CLNK: variants seen among roughly 807,000 people sequenced by gnomAD.
The protein encoded by CLNK is cytokine dependent hematopoietic cell linker, also known as cytokine-dependent hematopoietic cell linker.
CLNK carries 74 observed loss-of-function variants against 68.6 expected under a neutral mutation model. The ratio of observed to expected loss-of-function variants is 1.08; its 90% confidence interval spans 0.89 to 1.31. The LOEUF is 1.31. CLNK is among the 50% of genes most tolerant of loss of function. The pLI is 0.00. For synonymous variants in CLNK, 198 were observed against 172.2 expected (o/e 1.15, Z -1.17); for missense variants, 553 against 515.3 (o/e 1.07, Z -0.71).
chr4:10,536,448 T>G (rs1217152785), intron 11 of CLNK, among the ~76,000 whole-genome samples: 2 of 152,220 alleles, frequency 1.3e-5, no homozygotes, highest in African/African-American at 4.8e-5. Context: ...CATCTCTCTT[T>G]CAGAGGCAAA....
At chr4:10,663,318 C>T (rs28612357) in intron 2 of CLNK, among the ~76,000 whole-genome samples, 3,170 of 152,234 alleles carry the variant, frequency 0.021, 127 homozygotes, top group African/African-American at 0.072. Flanking sequence ...CTGCTAATTT[C>T]CGAAGCAATT....
At chr4:10,677,016 A>T (rs1724903615) in intron 1 of CLNK, among the ~76,000 whole-genome samples, 1 of 149,956 alleles carries the variant, frequency 6.7e-6, no homozygotes, top group Non-Finnish European at 1.5e-5. Flanking sequence ...ATGATGGCAG[A>T]ACCACATTGA....
At chr4:10,695,028 G>A in the CLNK span, among the ~76,000 whole-genome samples, 1 of 152,186 alleles carries the variant, frequency 6.6e-6, no homozygotes, top group East Asian at 1.9e-4. Context: ...CAGAGGCCTG[G>A]CAGGGATGGA....
chr4:10,635,461 T>C (rs1372437696), intron 2 of CLNK, among the ~76,000 whole-genome samples: 1 of 152,188 alleles, frequency 6.6e-6, no homozygotes, highest in East Asian at 1.9e-4. Flanking sequence ...GAGGAGGCCT[T>C]TTCTCTCCTT....
chr4:10,592,715 G>GTTTA (rs563878191), intron 3 of CLNK, among the ~76,000 whole-genome samples: 42 of 146,502 alleles, frequency 2.9e-4, no homozygotes, highest in African/African-American at 7.0e-4. Flanking sequence ...TTGTTTGTTT[G>GTTTA]TTTATTTATT....
intron 2 of CLNK, among the ~76,000 whole-genome samples, chr4:10,600,663 A>G (rs1010537716): frequency 6.6e-6 from 1 of 152,232 alleles, no homozygotes; most frequent in African/African-American, 2.4e-5. Flanking sequence ...TTGTAAGATA[A>G]TAAATAGATA....
intron 2 of CLNK, among the ~76,000 whole-genome samples, chr4:10,617,839 G>C (rs148856280): frequency 7.6e-4 from 116 of 152,282 alleles, no homozygotes; most frequent in Middle Eastern, 3.4e-3. Flanking sequence ...AAACAGCTTT[G>C]TTTGCTTTTG....
intron 8 of CLNK, among the ~76,000 whole-genome samples, chr4:10,542,690 A>G (rs1279750886): frequency 2.0e-5 from 3 of 151,198 alleles, no homozygotes; most frequent in Non-Finnish European, 2.9e-5. Flanking sequence ...GTGTATATAT[A>G]TATATATACA....
intron 2 of CLNK, among the ~76,000 whole-genome samples, chr4:10,626,528 A>G (rs923012132): frequency 1.3e-5 from 2 of 152,150 alleles, no homozygotes; most frequent in Non-Finnish European, 2.9e-5. Context: ...TATTTATAGA[A>G]TATTTTTATT....
At chr4:10,495,430 T>G (rs1472013464) in intron 18 of CLNK, among the ~76,000 whole-genome samples, 1 of 152,178 alleles carries the variant, frequency 6.6e-6, no homozygotes, top group Non-Finnish European at 1.5e-5. Context: ...GCACAGGGTA[T>G]TCCCTGGATG....
intron 18 of CLNK, among the ~76,000 whole-genome samples, chr4:10,500,426 A>G (rs998772477): frequency 2.6e-5 from 4 of 152,220 alleles, no homozygotes; most frequent in African/African-American, 9.6e-5. Flanking sequence ...CACGCCTGTA[A>G]TCCCAGCACT....
the CLNK span, among the ~76,000 whole-genome samples, chr4:10,690,557 C>T: frequency 6.6e-6 from 1 of 152,152 alleles, no homozygotes; most frequent in African/African-American, 2.4e-5. Context: ...CCATTAATTA[C>T]AAATTCATTG....
At chr4:10,543,483 A>G (rs1719114739) in intron 8 of CLNK, among the ~76,000 whole-genome samples, 1 of 152,184 alleles carries the variant, frequency 6.6e-6, no homozygotes, top group South Asian at 2.1e-4. Flanking sequence ...ATTTTTAACC[A>G]TGTGCTGAAG....
the CLNK span, among the ~76,000 whole-genome samples, chr4:10,726,131 A>G: frequency 6.6e-6 from 1 of 152,026 alleles, no homozygotes; most frequent in African/African-American, 2.4e-5. Flanking sequence ...GGCTTCTGCT[A>G]GCATCACCCT....
chr4:10,583,312 C>G (rs146504087), intron 4 of CLNK, among the ~76,000 whole-genome samples: 2,215 of 151,964 alleles, frequency 0.015, 22 homozygotes, highest in Non-Finnish European at 0.023. Flanking sequence ...GAGTCTTGCT[C>G]TGTCGTCCAC....
chr4:10,558,552 G>T, intron 7 of CLNK, 100 bp from the exon 8 acceptor site: 2 of 1,101,984 alleles, frequency 1.8e-6, no homozygotes, highest in South Asian at 1.3e-5. Flanking sequence ...GGATAAAGCC[G>T]TAAGTCCCTG....
intron 7 of CLNK, among the ~76,000 whole-genome samples, chr4:10,561,864 A>AG (rs1719899690): frequency 1.3e-5 from 2 of 152,200 alleles, no homozygotes; most frequent in African/African-American, 4.8e-5. Flanking sequence ...CCTACTAAAC[A>AG]GGTATTTATT....
rs569614425 is a variant in CLNK at position 10,488,094 on chromosome 4, T to A, written c.*2373A>T. Reference sequence around the variant, plus strand: ...ATATTGTAAGCTTTTTATTGCAAGATGTTTAATTTCTTTTTTTTCTTCCTT... The same window carrying A: ...ATATTGTAAGCTTTTTATTGCAAGAAGTTTAATTTCTTTTTTTTCTTCCTT... On this transcript the variant is annotated 3_prime_UTR_variant, in exon 19 of 19. Transcript: ENST00000226951. 6.6e-6 allele frequency: 1 copy of A among 152,344 alleles called. No individual in the cohort carries two copies. Among genetic ancestry groups the A allele is most frequent in the South Asian group, 2.1e-4 (1 of 4,832 alleles). 9.4% of individuals were successfully genotyped at this position (152,344 alleles called of 1,614,324 possible).
At chr4:10,544,260 C>T (rs919840859) in intron 8 of CLNK, among the ~76,000 whole-genome samples, 1 of 152,148 alleles carries the variant, frequency 6.6e-6, no homozygotes, top group African/African-American at 2.4e-5. Context: ...CAGTTTTCTT[C>T]AGGGGTTGTG....
Sources: gnomAD v4.1 joint callset for allele counts (sites outside exome capture counted in the v4.1 genomes callset) on GRCh38, gnomAD v4.1.1 for gene constraint, MANE v1.5 for transcripts, NCBI Gene and HGNC (gene_info 2026-07-23, HGNC 2026-07-21) for gene names.